The following ARID2 variants were observed in gnomAD, a reference collection of about 807,000 sequenced individuals.
ARID2 encodes the protein AT-rich interaction domain 2, also known as AT-rich interactive domain-containing protein 2.
Under a neutral mutation model 184.6 loss-of-function variants are expected in ARID2, and 32 were observed. That is an observed-to-expected ratio of 0.17 (90% CI 0.13 to 0.23). The LOEUF (loss-of-function observed/expected upper bound fraction) is 0.23, where lower values mean the gene tolerates loss of function less well. Ranked by LOEUF, ARID2 falls within the 10% of genes least tolerant of loss-of-function variation. The pLI is 1.00. For missense variants in ARID2, 1,696 were observed against 2,197.6 expected (o/e 0.77, Z 4.56); for synonymous variants, 836 against 772.6 (o/e 1.08, Z -1.36).
chr12:45,892,170 A>T, intron 18 of ARID2, 74 bp downstream of exon 18: 1 of 1,447,270 alleles, frequency 6.9e-7, no homozygotes, highest in Admixed American at 2.1e-5. Context: ...ATGAAACGCA[A>T]CTTAGCATAT....
chr12:45,892,217 C>A, intron 18 of ARID2, 121 bp downstream of exon 18: 1 of 923,842 alleles, frequency 1.1e-6, no homozygotes, highest in Non-Finnish European at 1.6e-6. Flanking sequence ...TCCAGCTCTG[C>A]CATGAACCAG....
chr12:45,740,308 T>A (rs1473495118), intron 3 of ARID2, among the ~76,000 whole-genome samples: 1 of 152,174 alleles, frequency 6.6e-6, no homozygotes, highest in East Asian at 1.9e-4. Flanking sequence ...ATTGTTAAAT[T>A]TCTTTTGCTA....
chr12:45,891,800 A>G lies in ARID2; in HGVS notation c.4943A>G (p.Gln1648Arg), dbSNP rs1406938171. The change falls in exon 17 of 21, where the codon CAG (glutamine) becomes CGG (arginine). Residue 1648 changes from glutamine to arginine, a missense_variant. Transcript: ENST00000334344. ...TATAGGTGGTTTCAGACACCCTCACAGGTTTTCTACCATGCAGCAACTGAA... is the reference window on the plus strand; with the variant it reads ...TATAGGTGGTTTCAGACACCCTCACGGGTTTTCTACCATGCAGCAACTGAA... ...SCKKWFQTPS[Q>R]VFYHAATEHG... 6.2e-7 allele frequency: 1 copy of G among 1,614,152 alleles called. No individual in the cohort carries two copies. Among genetic ancestry groups the G allele is most frequent in the East Asian group, 2.2e-5 (1 of 44,882 alleles).
Position 45,895,651 on chromosome 12 carries a change from C to T in ARID2, c.5363+1930C>T, listed in dbSNP as rs566220435. On this transcript the variant is annotated intron_variant, in intron 20 of 20. Transcript: ENST00000334344. ...CTGGGTTTGAGCGATTCTCCTGCCT[C>T]AGCCTCTCGAGTAGCTGGGATTATC... Among the ~76,000 whole-genome samples the T allele has an allele frequency of 3.3e-5, 5 of 152,332 alleles. No homozygotes were observed. In the South Asian group the frequency reaches 1.0e-3, roughly 32 times the overall value.
intron 3 of ARID2, among the ~76,000 whole-genome samples, chr12:45,733,532 A>AT (rs1190907478): frequency 1.3e-5 from 2 of 152,192 alleles, no homozygotes; most frequent in Admixed American, 6.5e-5. Flanking sequence ...AAGTGGAATA[A>AT]TTTTTTAATA....
chr12:45,808,995 G>A (rs1192400770), intron 3 of ARID2, among the ~76,000 whole-genome samples: 1 of 151,946 alleles, frequency 6.6e-6, no homozygotes, highest in Non-Finnish European at 1.5e-5. Flanking sequence ...CGAACTCTTG[G>A]CCTCAAGAGA....
At chr12:45,820,993 C>T (rs539261706) in intron 5 of ARID2, among the ~76,000 whole-genome samples, 2 of 152,196 alleles carry the variant, frequency 1.3e-5, no homozygotes, top group South Asian at 4.2e-4. Flanking sequence ...CATGGAGTGC[C>T]TTGCTCTCTA....
At chr12:45,735,162 G>A (rs138364012) in intron 3 of ARID2, among the ~76,000 whole-genome samples, 1 of 150,536 alleles carries the variant, frequency 6.6e-6, no homozygotes, top group African/African-American at 2.4e-5. Context: ...ACCATTTGAG[G>A]GAGTTTACAT....
chr12:45,788,110 C>T (rs1463742751), intron 3 of ARID2, among the ~76,000 whole-genome samples: 1 of 152,076 alleles, frequency 6.6e-6, no homozygotes, highest in Non-Finnish European at 1.5e-5. Context: ...TTATAATATT[C>T]AACATTTAAA....
At chr12:45,841,857 G>A (rs1314234889) in intron 11 of ARID2, 2 of 152,176 alleles carry the variant, frequency 1.3e-5, no homozygotes, top group East Asian at 3.9e-4. Context: ...TACATTTTAT[G>A]TTTGAGATTC....
intron 15 of ARID2, among the ~76,000 whole-genome samples, chr12:45,854,690 A>G (rs910559864): frequency 7.2e-5 from 11 of 152,244 alleles, no homozygotes; most frequent in African/African-American, 2.7e-4. Flanking sequence ...GAAAAACTCC[A>G]TCTCCATCAT....
At chr12:45,826,561 C>T (rs991110294) in intron 6 of ARID2, among the ~76,000 whole-genome samples, 1 of 151,818 alleles carries the variant, frequency 6.6e-6, no homozygotes, top group African/African-American at 2.4e-5. Context: ...ATTACAGACT[C>T]CTGCCACCAT....
chr12:45,837,772 CA>C, intron 10 of ARID2, 65 bp downstream of exon 10: 1 of 1,403,114 alleles, frequency 7.1e-7, no homozygotes, highest in Non-Finnish European at 9.8e-7. Context: ...TGGTACTGTA[CA>C]AAACCCTCAA....
chr12:45,900,751 C>T (rs1358765726), intron 20 of ARID2, among the ~76,000 whole-genome samples: 2 of 152,188 alleles, frequency 1.3e-5, no homozygotes, highest in Admixed American at 1.3e-4. Context: ...TCTACCCTTA[C>T]TCTTGATAGT....
chr12:45,775,645 A>G (rs1448643135), intron 3 of ARID2, among the ~76,000 whole-genome samples: 7 of 152,226 alleles, frequency 4.6e-5, no homozygotes, highest in Admixed American at 3.3e-4. Context: ...ACATTAACTC[A>G]TTAGCTCAGC....
chr12:45,818,244 TA>T (rs1942841237), intron 5 of ARID2, among the ~76,000 whole-genome samples: 1 of 152,164 alleles, frequency 6.6e-6, no homozygotes, highest in Non-Finnish European at 1.5e-5. Context: ...AATTTTTAAC[TA>T]AAACATTTTA....
intron 3 of ARID2, among the ~76,000 whole-genome samples, chr12:45,805,117 T>C (rs2138073733): frequency 6.6e-6 from 1 of 152,190 alleles, no homozygotes; most frequent in Middle Eastern, 3.4e-3. Context: ...TTGGTTTTAT[T>C]TTAGGGTGTA....
chr12:45,873,409 C>A (rs1943956806), intron 16 of ARID2, among the ~76,000 whole-genome samples: 1 of 152,152 alleles, frequency 6.6e-6, no homozygotes, highest in Admixed American at 6.5e-5. Flanking sequence ...TTTCTGCTGT[C>A]CCATTTTTCT....
chr12:45,832,364 T>C (rs190255187), intron 6 of ARID2, among the ~76,000 whole-genome samples: 17 of 152,328 alleles, frequency 1.1e-4, no homozygotes, highest in Admixed American at 1.0e-3. Context: ...TCATTGCTTA[T>C]TTTACTTGGG....
Sources: gnomAD v4.1 joint callset for allele counts (sites outside exome capture counted in the v4.1 genomes callset) on GRCh38, gnomAD v4.1.1 for gene constraint, MANE v1.5 for transcripts, NCBI Gene and HGNC (gene_info 2026-07-23, HGNC 2026-07-21) for gene names.